Variants in NLGN4X observed in about 807,000 individuals in gnomAD.
The protein encoded by NLGN4X is neuroligin 4 X-linked.
A neutral mutation model predicts 40.3 loss-of-function variants in NLGN4X; 3 were observed. The observed-to-expected ratio is 0.07, with a 90% CI of 0.03 to 0.19. The LOEUF (loss-of-function observed/expected upper bound fraction) is 0.19. Among genes scored for constraint, NLGN4X ranks in the 10% least tolerant of loss-of-function variants. NLGN4X has a pLI of 1.00. For missense variants in NLGN4X, 382 were observed against 708.3 expected, an observed-to-expected ratio of 0.54 and a Z score of 5.23; for synonymous variants, 270 against 306.8, an observed-to-expected ratio of 0.88 and a Z score of 1.25.
chrX:6,134,929 C>T (rs185879409), intron 2 of NLGN4X, among the ~76,000 whole-genome samples: 44 of 112,915 alleles, frequency 3.9e-4, no homozygotes, highest in African/African-American at 1.1e-3. Context: ...TGTTCTACAA[C>T]GAAACTCTTC....
intron 2 of NLGN4X, among the ~76,000 whole-genome samples, chrX:6,087,209 C>T (rs774857430): frequency 1.8e-5 from 2 of 111,652 alleles, no homozygotes; most frequent in South Asian, 7.6e-4. Context: ...GGGCACCGTA[C>T]CATAGTCACC....
At chrX:6,026,120 T>G (rs1039635376) in intron 3 of NLGN4X, among the ~76,000 whole-genome samples, 5 of 109,958 alleles carry the variant, frequency 4.5e-5, no homozygotes, top group Non-Finnish European at 5.7e-5. Flanking sequence ...TGTTAGCTCC[T>G]GTCTGTCTCT....
At chrX:5,989,817 C>T (rs2035629645) in intron 3 of NLGN4X, among the ~76,000 whole-genome samples, 1 of 111,497 alleles carries the variant, frequency 9.0e-6, no homozygotes, top group African/African-American at 3.3e-5. Context: ...CAGTACCAAA[C>T]TCTATATATG....
At chrX:5,898,276 G>T in intron 5 of NLGN4X, among the ~76,000 whole-genome samples, 3 of 68,689 alleles carry the variant, frequency 4.4e-5, no homozygotes, top group Admixed American at 2.1e-4. Context: ...CTCCTTTCTT[G>T]ATTCCCTCCC....
chrX:6,168,712 T>A (rs2040545285), intron 1 of NLGN4X, among the ~76,000 whole-genome samples: 1 of 111,304 alleles, frequency 9.0e-6, no homozygotes, highest in South Asian at 3.8e-4. Flanking sequence ...CTTCAAGCAA[T>A]CCTCCTGCTT....
chrX:6,192,492 A>G (rs2147833600), intron 1 of NLGN4X, among the ~76,000 whole-genome samples: 1 of 111,552 alleles, frequency 9.0e-6, no homozygotes, highest in South Asian at 3.8e-4. Context: ...GCAAAGAAAG[A>G]GGAAGATATT....
intron 1 of NLGN4X, among the ~76,000 whole-genome samples, chrX:6,226,080 C>G (rs955819851): frequency 2.9e-5 from 3 of 104,054 alleles, no homozygotes; most frequent in Non-Finnish European, 5.9e-5. Context: ...CCTCACTCCC[C>G]GCAGACTCGC....
intron 3 of NLGN4X, among the ~76,000 whole-genome samples, chrX:5,988,798 C>A (rs2035598302): frequency 8.9e-6 from 1 of 112,400 alleles, no homozygotes; most frequent in African/African-American, 3.2e-5. Flanking sequence ...GGCGCATTGG[C>A]TCCCGCCTGT....
chrX:5,971,348 G>A (rs964142242), intron 3 of NLGN4X, among the ~76,000 whole-genome samples: 8 of 110,551 alleles, frequency 7.2e-5, no homozygotes, highest in Non-Finnish European at 1.3e-4. Flanking sequence ...TGTGTTTCTG[G>A]AGCCCAGGAA....
intron 2 of NLGN4X, among the ~76,000 whole-genome samples, chrX:6,064,720 G>A (rs2037863239): frequency 9.0e-6 from 1 of 111,147 alleles, no homozygotes; most frequent in African/African-American, 3.3e-5. Flanking sequence ...AAACTATTAA[G>A]AGACAAGTCG....
intron 2 of NLGN4X, among the ~76,000 whole-genome samples, chrX:6,126,534 C>T (rs951924103): frequency 3.6e-5 from 4 of 111,282 alleles, no homozygotes; most frequent in African/African-American, 9.8e-5. Context: ...TAAAAAAGAT[C>T]GACATTCTTT....
chrX:6,210,307 C>T (rs377702364), intron 1 of NLGN4X, among the ~76,000 whole-genome samples: 2 of 108,440 alleles, frequency 1.8e-5, no homozygotes, highest in South Asian at 4.1e-4. Flanking sequence ...AAGCTACCTT[C>T]TGACACCCCT....
At chrX:6,032,352 A>G (rs900324638) in intron 2 of NLGN4X, among the ~76,000 whole-genome samples, 7 of 104,795 alleles carry the variant, frequency 6.7e-5, no homozygotes, top group Non-Finnish European at 1.4e-4. Flanking sequence ...AAGGGAGAAA[A>G]TAGACTATAC....
At chrX:5,926,887 A>G (rs969498467) in intron 3 of NLGN4X, among the ~76,000 whole-genome samples, 2 of 108,916 alleles carry the variant, frequency 1.8e-5, no homozygotes, top group African/African-American at 6.7e-5. Flanking sequence ...ATTCTTATCT[A>G]TCTATCTAGA....
chrX:6,011,815 G>T (rs2036260109), intron 3 of NLGN4X, among the ~76,000 whole-genome samples: 1 of 110,999 alleles, frequency 9.0e-6, no homozygotes, highest in African/African-American at 3.3e-5. Context: ...ATGGTACCGT[G>T]GGGTGAGGAA....
At chrX:6,209,845 T>C (rs1924406016) in intron 1 of NLGN4X, among the ~76,000 whole-genome samples, 1 of 111,765 alleles carries the variant, frequency 8.9e-6, no homozygotes, top group Non-Finnish European at 1.9e-5. Context: ...TTTGGTTTTC[T>C]TTAGTCATAT....
chrX:5,894,025 T>C (rs759138673), intron 5 of NLGN4X, among the ~76,000 whole-genome samples: 2 of 112,534 alleles, frequency 1.8e-5, no homozygotes, highest in East Asian at 5.6e-4. Flanking sequence ...AGTTTCACTC[T>C]TGTCGAACTG....
intron 3 of NLGN4X, among the ~76,000 whole-genome samples, chrX:5,982,572 G>A (rs777511106): frequency 8.9e-6 from 1 of 112,213 alleles, no homozygotes; most frequent in Admixed American, 9.4e-5. Flanking sequence ...AAAATGGATT[G>A]TAATATGTGT....
intron 2 of NLGN4X, among the ~76,000 whole-genome samples, chrX:6,042,342 T>A (rs551779459): frequency 1.8e-5 from 2 of 110,597 alleles, no homozygotes; most frequent in East Asian, 2.9e-4. Flanking sequence ...ATTAGAGTCC[T>A]AGAGCATTGT....
Sources: gnomAD v4.1 joint callset for allele counts (sites outside exome capture counted in the v4.1 genomes callset) on GRCh38, gnomAD v4.1.1 for gene constraint, MANE v1.5 for transcripts, NCBI Gene and HGNC (gene_info 2026-07-23, HGNC 2026-07-21) for gene names.